TAMM41: variants seen among roughly 807,000 people sequenced by gnomAD.
The protein encoded by TAMM41 is TAM41 mitochondrial translocator assembly and maintenance homolog.
A neutral mutation model predicts 44.1 loss-of-function variants in TAMM41; 36 were observed. The observed-to-expected ratio is 0.82, with a 90% CI of 0.63 to 1.08. TAMM41 has a LOEUF of 1.08. TAMM41 is among the 50% of genes least tolerant of loss of function. The probability of loss-of-function intolerance (pLI) is 0.00; values close to 1 mark genes in which losing one functional copy is unlikely to be tolerated. For missense variants in TAMM41, 417 were observed against 404.3 expected (o/e 1.03, Z -0.27); for synonymous variants, 164 against 153.1 (o/e 1.07, Z -0.53).
chr3:11,807,545 G>C (rs1376264199), intron 7 of TAMM41: 4 of 1,536,048 alleles, frequency 2.6e-6, no homozygotes, highest in Non-Finnish European at 3.5e-6. Context: ...CTGTAACTTT[G>C]ATAAATAAAA....
rs1222323770 is a variant in TAMM41, at chr3:11,809,582, C to T, written c.809G>A (p.Arg270Lys). 1.9e-6 allele frequency: 3 copies of T among 1,614,118 alleles called. No individual in the cohort carries two copies. The highest frequency in any genetic ancestry group is 2.5e-6 in the Non-Finnish European group (3 of 1,180,014). The change falls in exon 6 of 8, where the codon AGA becomes AAA. Residue 270 changes from arginine (R) to lysine (K), a missense_variant. Arg to Lys is a conservative substitution (Grantham distance 26). Coordinates refer to ENST00000455809, the MANE Select transcript of TAMM41 (RefSeq NM_001284401.2). ...NHIMDPPGKN[R>K]DVEETLFQVA... ...TTGGAATAAAGTTTCTTCCACATCT[C>T]TGTTTTTTCCAGGAGGGTCCATAAT...
chr3:11,754,386 T>A, the TAMM41 span, among the ~76,000 whole-genome samples: 3 of 152,082 alleles, frequency 2.0e-5, no homozygotes, highest in Non-Finnish European at 4.4e-5. Flanking sequence ...CTTCTTATTA[T>A]TTTTTTAGGC....
At chr3:11,729,060 C>A in the TAMM41 span, among the ~76,000 whole-genome samples, 3 of 151,320 alleles carry the variant, frequency 2.0e-5, no homozygotes, top group Admixed American at 2.0e-4. Context: ...ATGTGTGTTC[C>A]TGTGAATGTC....
chr3:11,787,221 ATCTGTTATAT>A (rs1489027364), downstream of TAMM41, among the ~76,000 whole-genome samples: 1 of 152,124 alleles, frequency 6.6e-6, no homozygotes, highest in Non-Finnish European at 1.5e-5. Context: ...AGAGCATCTC[ATCTGTTATAT>A]TCTACCTGTT....
intron 5 of TAMM41, chr3:11,810,720 A>T (rs1038295720): frequency 6.6e-6 from 1 of 152,244 alleles, no homozygotes; most frequent in Non-Finnish European, 1.5e-5. Flanking sequence ...CTTAATAATT[A>T]GAATCCACTC....
intron 3 of TAMM41, among the ~76,000 whole-genome samples, chr3:11,832,760 C>T (rs113326438): frequency 2.6e-5 from 4 of 152,316 alleles, no homozygotes; most frequent in African/African-American, 9.6e-5. Context: ...CCATTCATCA[C>T]ACATCCTTCT....
At chr3:11,724,723 A>T in the TAMM41 span, 1 of 152,270 alleles carries the variant, frequency 6.6e-6, no homozygotes, top group East Asian at 1.9e-4. Context: ...GGCATGAGCC[A>T]CCGCACCCAG....
intron 4 of TAMM41, among the ~76,000 whole-genome samples, chr3:11,818,094 T>A (rs1420217460): frequency 6.6e-6 from 1 of 152,232 alleles, no homozygotes; most frequent in Admixed American, 6.5e-5. Flanking sequence ...TGGGCTAATG[T>A]GAAATCACAA....
chr3:11,817,151 T>C (rs978224543), intron 5 of TAMM41, 41 bp downstream of exon 5: 1 of 1,581,752 alleles, frequency 6.3e-7, no homozygotes, highest in Non-Finnish European at 8.6e-7. Context: ...AAATAGCCTT[T>C]GTCTTAGAAA....
chr3:11,730,462 C>T, the TAMM41 span, among the ~76,000 whole-genome samples: 6 of 149,518 alleles, frequency 4.0e-5, no homozygotes, highest in Admixed American at 3.3e-4. Context: ...TGGCTGGGCG[C>T]GGTGGCTCAC....
chr3:11,829,826 T>C lies in TAMM41; in HGVS notation c.450A>G (p.Arg150=). 6.2e-7 allele frequency: 1 copy of C among 1,614,178 alleles called. No individual in the cohort carries two copies. Among genetic ancestry groups the C allele is most frequent in the South Asian group, 1.1e-5 (1 of 91,078 alleles). Residue 150 remains arginine, a synonymous_variant, in exon 4 of 8, where the codon AGA becomes AGG. Transcript: ENST00000455809. Reference sequence around the variant, plus strand: ...TCTTCAGATTTCTATCGAGGGCTGATCTAAGAGTGACATCCTCGTTCACTG... The same window carrying C: ...TCTTCAGATTTCTATCGAGGGCTGACCTAAGAGTGACATCCTCGTTCACTG... ...IISVNEDVTL[R]SALDRNLKSA...
the TAMM41 span, among the ~76,000 whole-genome samples, chr3:11,781,942 T>C: frequency 6.6e-6 from 1 of 152,124 alleles, no homozygotes; most frequent in Non-Finnish European, 1.5e-5. Context: ...GCATGTATCA[T>C]CTCTTCTGAT....
the TAMM41 span, among the ~76,000 whole-genome samples, chr3:11,749,977 A>C: frequency 6.7e-6 from 1 of 149,294 alleles, no homozygotes; most frequent in African/African-American, 2.5e-5. Context: ...GGCTCACTGC[A>C]AGCTCCACCT....
intron 4 of TAMM41, among the ~76,000 whole-genome samples, chr3:11,818,354 A>G (rs559099348): frequency 1.8e-4 from 27 of 152,326 alleles, no homozygotes; most frequent in African/African-American, 4.6e-4. Flanking sequence ...TGAGCAAACC[A>G]GGACATATGG....
At chr3:11,780,770 A>G in the TAMM41 span, among the ~76,000 whole-genome samples, 1 of 152,140 alleles carries the variant, frequency 6.6e-6, no homozygotes, top group East Asian at 1.9e-4. Context: ...CTAATTCACA[A>G]TTTACTTTAC....
intron 4 of TAMM41, among the ~76,000 whole-genome samples, chr3:11,828,164 G>A (rs1252428999): frequency 6.6e-6 from 1 of 152,180 alleles, no homozygotes; most frequent in Non-Finnish European, 1.5e-5. Context: ...GGAGGAAAAT[G>A]TGCCTTTCAA....
chr3:11,840,216 C>A (rs531722642), intron 2 of TAMM41, among the ~76,000 whole-genome samples: 1 of 149,220 alleles, frequency 6.7e-6, no homozygotes, highest in African/African-American at 2.5e-5. Flanking sequence ...CCCAGCCTCA[C>A]GTTAATGTTA....
Position 11,829,765 on chromosome 3 carries a change from T to C in TAMM41, c.511A>G (p.Ser171Gly). The C allele has an allele frequency of 6.2e-7, 1 of 1,614,194 alleles. No homozygotes were observed. The change falls in exon 4 of 8, where the codon AGC becomes GGC. Residue 171 changes from serine to glycine, a missense_variant. Coordinates refer to ENST00000455809, the MANE Select transcript of TAMM41 (RefSeq NM_001284401.2). ...ATGAAGAGGTCTTCTTCAGAAAAGCTTTCGGGGAGCATGAGGAAAGCAGCG... is the reference window on the plus strand; with the variant it reads ...ATGAAGAGGTCTTCTTCAGAAAAGCCTTCGGGGAGCATGAGGAAAGCAGCG... ...VTAAFLMLPE[S>G]FSEEDLFIEI...
At chr3:11,787,583 T>A (rs2077424683), downstream of TAMM41, among the ~76,000 whole-genome samples, 4 of 152,178 alleles carry the variant, frequency 2.6e-5, no homozygotes. Flanking sequence ...GACTAATATA[T>A]GAGGGACTAT....
Sources: allele counts gnomAD v4.1 joint callset (sites outside exome capture counted in the v4.1 genomes callset), GRCh38; gene constraint gnomAD v4.1.1; transcripts MANE v1.5; gene names NCBI Gene and HGNC (gene_info 2026-07-23, HGNC 2026-07-21).